Variants in AKAP9 observed in about 807,000 individuals in gnomAD.
AKAP9 encodes the protein A-kinase anchoring protein 9.
In AKAP9, 311 loss-of-function variants were observed where a neutral mutation model predicts 488.5. The ratio of observed to expected loss-of-function variants is 0.64; its 90% CI spans 0.58 to 0.70. AKAP9 has a LOEUF of 0.70. Ranked by LOEUF, AKAP9 falls within the 30% of genes least tolerant of loss-of-function variation. The probability of loss-of-function intolerance (pLI) is 0.00; values close to 1 mark genes in which losing one functional copy is unlikely to be tolerated. For missense variants in AKAP9, 4,215 were observed against 4,374.5 expected, an observed-to-expected ratio of 0.96 and a Z score of 1.03; for synonymous variants, 1,462 against 1,483.5, an observed-to-expected ratio of 0.99 and a Z score of 0.33.
chr7:92,064,758 A>G (rs548525239), intron 24 of AKAP9, among the ~76,000 whole-genome samples: 14 of 152,320 alleles, frequency 9.2e-5, no homozygotes, highest in Admixed American at 1.3e-4. Flanking sequence ...TGTAACTCTT[A>G]GACTTGCCTT....
intron 28 of AKAP9, 70 bp downstream of exon 28, chr7:92,071,079 A>T: frequency 7.3e-7 from 1 of 1,378,024 alleles, no homozygotes; most frequent in Non-Finnish European, 1.0e-6. Flanking sequence ...TGAAAATATT[A>T]TTTGAACTGA....
Position 92,045,010 on chromosome 7 carries a change from A to C in AKAP9, c.5165A>C (p.Tyr1722Ser), listed in dbSNP as rs1314047305. 2 of 1,605,024 alleles carry C rather than the reference A, an allele frequency of 1.2e-6. No homozygotes were observed. Among genetic ancestry groups the C allele is most frequent in the Non-Finnish European group, 1.7e-6 (2 of 1,171,784 alleles). Residue 1722 changes from tyrosine (Y) to serine (S), a missense_variant and splice_region_variant, in exon 21 of 50, where the codon TAT (tyrosine) becomes TCT (serine). By Grantham distance (144) the Tyr-to-Ser change is moderately radical. Transcript: ENST00000356239. Reference sequence around the variant, plus strand: ...TCAGTGCTTCTTTATCTATACAGGTATGCACTCCAGAAAGCTAATAATAGA... The same window carrying C: ...TCAGTGCTTCTTTATCTATACAGGTCTGCACTCCAGAAAGCTAATAATAGA... ...VPPEILSNER[Y>S]ALQKANNRLL...
At chr7:91,957,521 A>G (rs1343675252) in intron 1 of AKAP9, among the ~76,000 whole-genome samples, 1 of 152,194 alleles carries the variant, frequency 6.6e-6, no homozygotes, top group South Asian at 2.1e-4. Flanking sequence ...TATTTAGTAG[A>G]ATAATGGAAT....
chr7:91,986,137 G>A (rs968858426), intron 3 of AKAP9, among the ~76,000 whole-genome samples: 15 of 152,096 alleles, frequency 9.9e-5, no homozygotes, highest in Non-Finnish European at 8.8e-5. Context: ...GTTTAGTCTT[G>A]GGAGGGTGTA....
intron 28 of AKAP9, 23 bp from the exon 29 acceptor site, chr7:92,076,831 CT>C: frequency 7.5e-7 from 1 of 1,337,586 alleles, no homozygotes; most frequent in Non-Finnish European, 1.0e-6. Context: ...CATTTTTTCT[CT>C]TTTGATAATT....
chr7:92,003,681 GGTGGTTATGAAA>G (rs1799448646), intron 8 of AKAP9, among the ~76,000 whole-genome samples: 1 of 151,796 alleles, frequency 6.6e-6, no homozygotes, highest in Admixed American at 6.6e-5. Flanking sequence ...ATAGTTGTTA[GGTGGTTATGAAA>G]TTATATTTTC....
At chr7:92,032,112 A>C (rs1054692591) in intron 16 of AKAP9, among the ~76,000 whole-genome samples, 10 of 152,218 alleles carry the variant, frequency 6.6e-5, no homozygotes, top group Non-Finnish European at 1.0e-4. Context: ...GTCATTCTTT[A>C]ATATTAGCCA....
At chr7:91,972,762 T>C (rs1356939859) in intron 1 of AKAP9, among the ~76,000 whole-genome samples, 1 of 152,160 alleles carries the variant, frequency 6.6e-6, no homozygotes, top group Non-Finnish European at 1.5e-5. Context: ...TTAAAATAAA[T>C]TTAAATAAGA....
At chr7:91,994,873 T>G in intron 6 of AKAP9, 97 bp downstream of exon 6, 2 of 1,127,600 alleles carry the variant, frequency 1.8e-6, no homozygotes, top group Non-Finnish European at 2.6e-6. Flanking sequence ...AAAAAAGCCA[T>G]TTCGTATTAT....
chr7:92,084,779 T>A, intron 34 of AKAP9, 40 bp from the exon 35 acceptor site: 2 of 440,944 alleles, frequency 4.5e-6, no homozygotes, highest in Non-Finnish European at 6.9e-6. Flanking sequence ...TGGGGTTTGA[T>A]TTTTTTTTTT....
intron 15 of AKAP9, among the ~76,000 whole-genome samples, 182 bp downstream of exon 15, chr7:92,030,173 A>G (rs1411547132): frequency 6.6e-6 from 1 of 152,238 alleles, no homozygotes; most frequent in Admixed American, 6.5e-5. Context: ...TTTTTATAGC[A>G]TAGGTAACAC....
In AKAP9 at chr7:92,096,885, T is replaced by C; in HGVS notation, c.9926T>C (p.Ile3309Thr). 1 of 1,614,134 alleles carries C rather than the reference T, an allele frequency of 6.2e-7. No homozygotes were observed. The highest frequency in any genetic ancestry group is 8.5e-7 in the Non-Finnish European group (1 of 1,180,024). Residue 3309 changes from isoleucine (I) to threonine (T), a missense_variant, in exon 41 of 50, where the codon ATT (isoleucine) becomes ACT (threonine). Coordinates refer to ENST00000356239, the MANE Select transcript of AKAP9 (RefSeq NM_005751.5). ...CTTCTTGAATCTGAGAAAGTTCGAATTCGGGAAATGAGTAGTACCCTAGAT... is the reference window on the plus strand; with the variant it reads ...CTTCTTGAATCTGAGAAAGTTCGAACTCGGGAAATGAGTAGTACCCTAGAT... ...QVLLESEKVR[I>T]REMSSTLDRE...
At chr7:92,049,936 A>G (rs542208878) in intron 21 of AKAP9, among the ~76,000 whole-genome samples, 87 of 152,206 alleles carry the variant, frequency 5.7e-4, no homozygotes, top group African/African-American at 1.8e-3. Context: ...CATACCTTCA[A>G]TCTTTTCCTC....
At chr7:92,088,604 G>A (rs1388089250) in intron 37 of AKAP9, among the ~76,000 whole-genome samples, 1 of 152,174 alleles carries the variant, frequency 6.6e-6, no homozygotes, top group African/African-American at 2.4e-5. Flanking sequence ...GCAGATCAGT[G>A]GTTGACAGGG....
At chr7:92,071,472 T>G (rs1310159433) in intron 28 of AKAP9, among the ~76,000 whole-genome samples, 4 of 152,012 alleles carry the variant, frequency 2.6e-5, no homozygotes, top group Admixed American at 1.3e-4. Context: ...ACAAAAAGAT[T>G]AATAGTAAAT....
In AKAP9 at chr7:92,052,860, A is replaced by G. The variant is rs1212676778; in HGVS notation, c.5503A>G (p.Ile1835Val). ...LVRSGFAGTEIDPENEELMLN... is the reference protein window; with the variant it reads ...LVRSGFAGTEVDPENEELMLN... ...GAGGAGTGGTTTTGCTGGAACTGAA[A>G]TAGACCCTGAAAATGAAGAACTTAT... Residue 1835 changes from isoleucine (I) to valine (V), a missense_variant, in exon 22 of 50, where the codon ATA becomes GTA. Ile to Val is a conservative substitution (Grantham distance 29). Around this residue, in one of 5 missense-constraint regions of AKAP9, gnomAD observed 2,361 missense variants for 2,430.0 expected, o/e 0.97. Transcript: ENST00000356239. 1.9e-6 allele frequency: 3 copies of G among 1,613,870 alleles called. No individual in the cohort carries two copies. The highest frequency in any genetic ancestry group is 3.3e-5 in the Admixed American group (2 of 59,998).
chr7:92,002,895 G>A lies in AKAP9; in HGVS notation c.2978G>A (p.Arg993Lys), dbSNP rs777988488. ...CAAGAGAAAGAACAAGTTTCATTGA[G>A]ATGTAGAGAGCTAGAAATCATTATT... ...LKQEKEQVSL[R>K]CRELEIIINH... Residue 993 changes from arginine (R) to lysine (K), a missense_variant, in exon 8 of 50, where the codon AGA becomes AAA. Transcript: ENST00000356239. The A allele has an allele frequency of 4.3e-6, 7 of 1,612,268 alleles. No homozygotes were observed. The highest frequency in any genetic ancestry group is 5.9e-6 in the Non-Finnish European group (7 of 1,179,298).
chr7:91,988,097 A>G (rs908642255), intron 3 of AKAP9, among the ~76,000 whole-genome samples: 5 of 151,942 alleles, frequency 3.3e-5, no homozygotes, highest in Non-Finnish European at 7.4e-5. Flanking sequence ...ACATTTTTCA[A>G]TGTAATCTTC....
At position 92,001,170 on chromosome 7, in the gene AKAP9, T is replaced by C. The variant is rs752626437; in HGVS notation, c.1253T>C (p.Ile418Thr). The C allele has an allele frequency of 8.7e-6, 14 of 1,613,996 alleles. No homozygotes were observed. The highest frequency in any genetic ancestry group is 3.3e-5 in the Admixed American group (2 of 60,010). ...AAAGACAGCCAGTTCGAAACTGATA[T>C]AGTACAACGAATGGAACAAGAAACA... is the stretch of plus-strand genomic sequence containing the variant. The part of the protein sequence containing the change: ...NHKDSQFETD[I>T]VQRMEQETQR... Residue 418 changes from isoleucine to threonine, a missense_variant, in exon 8 of 50, where the codon ATA (isoleucine) becomes ACA (threonine). Around this residue, in one of 5 missense-constraint regions of AKAP9, gnomAD observed 2,361 missense variants for 2,430.0 expected, o/e 0.97. Transcript: ENST00000356239.
Sources: gnomAD v4.1 joint callset for allele counts (sites outside exome capture counted in the v4.1 genomes callset) on GRCh38, gnomAD v4.1.1 for gene constraint, gnomAD v4.1.1 regional missense constraint, MANE v1.5 for transcripts, NCBI Gene and HGNC (gene_info 2026-07-23, HGNC 2026-07-21) for gene names.